The following RFTN1 variants were observed in gnomAD, a reference collection of about 807,000 sequenced individuals.
The protein encoded by RFTN1 is raftlin, lipid raft linker 1.
In RFTN1, 26 loss-of-function variants were observed where a neutral mutation model predicts 46.5. That is an observed-to-expected ratio of 0.56 (90% CI 0.41 to 0.78). The LOEUF is 0.78. Among genes scored for constraint, RFTN1 ranks in the 30% least tolerant of loss-of-function variants. The pLI is 0.00. For synonymous variants in RFTN1, 261 were observed against 284.2 expected, an observed-to-expected ratio of 0.92 and a Z score of 0.82; for missense variants, 693 against 718.7, an observed-to-expected ratio of 0.96 and a Z score of 0.41.
intron 2 of RFTN1, among the ~76,000 whole-genome samples, chr3:16,455,787 A>C (rs1223801821): frequency 2.0e-5 from 3 of 152,206 alleles, no homozygotes; most frequent in Admixed American, 2.0e-4. Context: ...GCAAAAACTC[A>C]ACGGATATCC....
chr3:16,472,691 A>G (rs982844453), intron 2 of RFTN1: 1 of 152,166 alleles, frequency 6.6e-6, no homozygotes, highest in African/African-American at 2.4e-5. Context: ...TATGTTTCCC[A>G]CTCCAGGAGA....
rs903931378 is a variant in RFTN1 at position 16,322,633 on chromosome 3, CAG to C, written c.1332+741_1332+742del. Among the ~76,000 whole-genome samples the C allele has an allele frequency of 6.6e-6, 1 of 152,180 alleles. No individual in the cohort carries two copies. Among genetic ancestry groups the C allele is most frequent in the Admixed American group, 6.5e-5 (1 of 15,286 alleles). ...CTCAGGAAAAGCACCACAGGCTGCT[CAG>C]GGTGGGGTGGGAAGCATCAGAATCA... On this transcript the variant is annotated intron_variant, in intron 9 of 9. Transcript: ENST00000334133. This position sits in a 1 kb window ranked among gnomAD's most constrained non-coding sequence, Gnocchi z 6.2.
In RFTN1 at chr3:16,440,254, T is replaced by TC. The variant is rs1386776088; in HGVS notation, c.146-6218dup. Among the ~76,000 whole-genome samples, 2 of 152,172 alleles carry TC rather than the reference T, an allele frequency of 1.3e-5. No individual in the cohort carries two copies. Among genetic ancestry groups the TC allele is most frequent in the East Asian group, 3.9e-4 (2 of 5,192 alleles). On this transcript the variant is annotated intron_variant, in intron 2 of 9. Coordinates refer to ENST00000334133, the MANE Select transcript of RFTN1 (RefSeq NM_015150.2). The surrounding 1 kb of genome is among the most constrained non-coding windows in gnomAD (Gnocchi z 4.6). Reference sequence around the variant, plus strand: ...TCATCTGGGAAGGACACCCACGTGCTCCCACACTGCCACAATCTTGGCTCA... The same window carrying TC: ...TCATCTGGGAAGGACACCCACGTGCTCCCCACACTGCCACAATCTTGGCTCA...
In RFTN1 at chr3:16,459,174, A is replaced by C. The variant is rs529467306; in HGVS notation, c.146-25137T>G. On this transcript the variant is annotated intron_variant, in intron 2 of 9. Transcript: ENST00000334133. The surrounding 1 kb of genome is among the most constrained non-coding windows in gnomAD (Gnocchi z 4.2). ...TTGAACCCCTGGGCTCAAGCAATCCACTCGCCTTAGCCTCCCAAAGTGCTG... is the reference window on the plus strand; with the variant it reads ...TTGAACCCCTGGGCTCAAGCAATCCCCTCGCCTTAGCCTCCCAAAGTGCTG... Among the ~76,000 whole-genome samples the C allele has an allele frequency of 5.9e-5, 9 of 152,004 alleles. No homozygotes were observed. In the East Asian group the frequency reaches 1.7e-3, roughly 29 times the overall value.
rs1236792058 is a variant in RFTN1, at chr3:16,322,837, G to A, written c.1332+539C>T. 1.3e-5 allele frequency among the ~76,000 whole-genome samples: 2 copies of A among 152,154 alleles called. No homozygotes were observed. Among genetic ancestry groups the A allele is most frequent in the Non-Finnish European group, 2.9e-5 (2 of 68,020 alleles). On this transcript the variant is annotated intron_variant, in intron 9 of 9. Coordinates refer to ENST00000334133, the MANE Select transcript of RFTN1 (RefSeq NM_015150.2). The surrounding 1 kb of genome is among the most constrained non-coding windows in gnomAD (Gnocchi z 6.2). ...ATCTCTTGAGGACAGCCTGGCCTGAGGACTTGCTGCCACAGGCTACAGCTA... is the reference window on the plus strand; with the variant it reads ...ATCTCTTGAGGACAGCCTGGCCTGAAGACTTGCTGCCACAGGCTACAGCTA...
chr3:16,496,529 G>T (rs1009408798), intron 1 of RFTN1, among the ~76,000 whole-genome samples: 1 of 152,210 alleles, frequency 6.6e-6, no homozygotes, highest in African/African-American at 2.4e-5. Context: ...ACCACAGTGA[G>T]ATTTAACAGG....
In RFTN1 at chr3:16,348,642, C is replaced by A. The variant is rs1429193239; in HGVS notation, c.1146+9290G>T. Reference sequence around the variant, plus strand: ...GGCTCCTTGATGTGTGGGGCCTCAGCAAATGCCCCTTTGCATCCTTGTTCC... The same window carrying A: ...GGCTCCTTGATGTGTGGGGCCTCAGAAAATGCCCCTTTGCATCCTTGTTCC... On this transcript the variant is annotated intron_variant, in intron 7 of 9. Coordinates refer to ENST00000334133, the MANE Select transcript of RFTN1 (RefSeq NM_015150.2). The surrounding 1 kb of genome is among the most constrained non-coding windows in gnomAD (Gnocchi z 6.3). 6.6e-6 allele frequency among the ~76,000 whole-genome samples: 1 copy of A among 152,212 alleles called. No homozygotes were observed. Among genetic ancestry groups the A allele is most frequent in the African/African-American group, 2.4e-5 (1 of 41,456 alleles).
Position 16,473,962 on chromosome 3 carries a change from C to G in RFTN1, c.145+19763G>C, listed in dbSNP as rs1346671272. 6.6e-6 allele frequency among the ~76,000 whole-genome samples: 1 copy of G among 152,154 alleles called. No individual in the cohort carries two copies. The highest frequency in any genetic ancestry group is 1.5e-5 in the Non-Finnish European group (1 of 68,018). On this transcript the variant is annotated intron_variant, in intron 2 of 9. Transcript: ENST00000334133. The surrounding 1 kb of genome is among the most constrained non-coding windows in gnomAD (Gnocchi z 5.3). ...TCCACACTGTTCTATCGTGCAGTTG[C>G]CCACCCAATATGGTGAACAACAGCC...
rs866934392 is a variant in RFTN1, at chr3:16,426,739, T to C, written c.332+7112A>G. On this transcript the variant is annotated intron_variant, in intron 3 of 9. Coordinates refer to ENST00000334133, the MANE Select transcript of RFTN1 (RefSeq NM_015150.2). The surrounding 1 kb of genome is among the most constrained non-coding windows in gnomAD (Gnocchi z 5.9). ...AGGTCTGTGCTATGTGGCTGCATTA[T>C]TAAGATATACTTTTGGTACTGATAA... Among the ~76,000 whole-genome samples the C allele has an allele frequency of 1.3e-5, 2 of 151,316 alleles. No homozygotes were observed. The highest frequency in any genetic ancestry group is 4.2e-4 in the South Asian group (2 of 4,808).
In RFTN1 at chr3:16,384,455, T is replaced by C. The variant is rs2074098100; in HGVS notation, c.442-6353A>G. Among the ~76,000 whole-genome samples the C allele has an allele frequency of 1.3e-5, 2 of 152,204 alleles. No homozygotes were observed. Among genetic ancestry groups the C allele is most frequent in the Admixed American group, 1.3e-4 (2 of 15,284 alleles). ...AAGACAACTAGGACTTCATCTGGTA[T>C]CGATTCCAGGTCCTACGTGAGAGGC... On this transcript the variant is annotated intron_variant, in intron 4 of 9. Coordinates refer to ENST00000334133, the MANE Select transcript of RFTN1 (RefSeq NM_015150.2). The surrounding 1 kb of genome is among the most constrained non-coding windows in gnomAD (Gnocchi z 4.7).
Position 16,346,965 on chromosome 3 carries a change from T to A in RFTN1, c.1146+10967A>T, listed in dbSNP as rs2071764019. ...AGACTTCCTGCTCAATGAGATGAGA[T>A]GAACACCCCTACGGCTTAAGCCACT... On this transcript the variant is annotated intron_variant, in intron 7 of 9. Coordinates refer to ENST00000334133, the MANE Select transcript of RFTN1 (RefSeq NM_015150.2). This position sits in a 1 kb window ranked among gnomAD's most constrained non-coding sequence, Gnocchi z 4.4. Among the ~76,000 whole-genome samples the A allele has an allele frequency of 6.6e-6, 1 of 152,174 alleles. No homozygotes were observed. The highest frequency in any genetic ancestry group is 2.1e-4 in the South Asian group (1 of 4,826).
At chr3:16,417,009 CTTTTTTT>C (rs72060599) in intron 3 of RFTN1, among the ~76,000 whole-genome samples, 1 of 121,296 alleles carries the variant, frequency 8.2e-6, no homozygotes, top group Non-Finnish European at 1.7e-5. Context: ...TTTTCTTTTT[CTTTTTTT>C]TTTTTTTTTT....
chr3:16,399,472 T>C (rs1575222681), intron 4 of RFTN1, among the ~76,000 whole-genome samples: 1 of 152,186 alleles, frequency 6.6e-6, no homozygotes, highest in Non-Finnish European at 1.5e-5. Context: ...GTCTTAGGGG[T>C]TAGTGGAAAG....
chr3:16,406,480 T>A (rs1337571581), intron 4 of RFTN1, among the ~76,000 whole-genome samples: 1 of 152,190 alleles, frequency 6.6e-6, no homozygotes, highest in Non-Finnish European at 1.5e-5. Flanking sequence ...GGAACAGAGA[T>A]GGAACTCTGG....
intron 1 of RFTN1, among the ~76,000 whole-genome samples, chr3:16,494,464 C>T (rs2076592889): frequency 6.6e-6 from 1 of 152,066 alleles, no homozygotes; most frequent in Non-Finnish European, 1.5e-5. Flanking sequence ...CGTTTTTAGA[C>T]CAAACTGCAG....
In RFTN1 at chr3:16,334,983, C is replaced by G. The variant is rs1479059946; in HGVS notation, c.1147-8107G>C. 2.0e-5 allele frequency among the ~76,000 whole-genome samples: 3 copies of G among 152,162 alleles called. No individual in the cohort carries two copies. Among genetic ancestry groups the G allele is most frequent in the Non-Finnish European group, 4.4e-5 (3 of 68,034 alleles). The stretch of plus-strand genomic sequence containing the variant: ...ACGAGCCAAGGAACATGGGCAGCTT[C>G]CAGAAGCTGGCAATGGTCGGTAACA... On this transcript the variant is annotated intron_variant, in intron 7 of 9. Transcript: ENST00000334133. The surrounding 1 kb of genome is among the most constrained non-coding windows in gnomAD (Gnocchi z 4.3).
chr3:16,409,143 C>A (rs1323865671), intron 4 of RFTN1, among the ~76,000 whole-genome samples: 1 of 152,218 alleles, frequency 6.6e-6, no homozygotes, highest in Admixed American at 6.5e-5. Flanking sequence ...CCCACTCCAG[C>A]TGGAAAAGAC....
In RFTN1 at chr3:16,448,047, C is replaced by T. The variant is rs1280807603; in HGVS notation, c.146-14010G>A. On this transcript the variant is annotated intron_variant, in intron 2 of 9. Transcript: ENST00000334133. This position sits in a 1 kb window ranked among gnomAD's most constrained non-coding sequence, Gnocchi z 4.1. ...CCACCAGCCACATGTGGCTATCGAG[C>T]ATCTGAAATGTGGCCAGTGTGATTG... Among the ~76,000 whole-genome samples the T allele has an allele frequency of 6.6e-6, 1 of 151,580 alleles. No homozygotes were observed. The highest frequency in any genetic ancestry group is 2.4e-5 in the African/African-American group (1 of 41,228).
intron 7 of RFTN1, among the ~76,000 whole-genome samples, chr3:16,354,529 C>T (rs968485502): frequency 2.0e-5 from 3 of 152,220 alleles, no homozygotes; most frequent in African/African-American, 7.2e-5. Context: ...ATTGACACTC[C>T]AGGCCTCTGA....
Sources: allele counts gnomAD v4.1 joint callset (sites outside exome capture counted in the v4.1 genomes callset), GRCh38; gene constraint gnomAD v4.1.1; non-coding constraint Gnocchi (gnomAD v3.1); transcripts MANE v1.5; gene names NCBI Gene and HGNC (gene_info 2026-07-23, HGNC 2026-07-21).